MCC: variants seen among roughly 807,000 people sequenced by gnomAD.
MCC encodes MCC regulator of Wnt signaling pathway, also known as colorectal mutant cancer protein.
Under a neutral mutation model 116.2 loss-of-function variants are expected in MCC, and 90 were observed. That is an observed-to-expected ratio of 0.77 (90% confidence interval 0.65 to 0.92). MCC has a LOEUF of 0.92. Among genes scored for constraint, MCC ranks in the 40% least tolerant of loss-of-function variants. MCC has a pLI of 0.00. For synonymous variants in MCC, 578 were observed against 510.5 expected (o/e 1.13, Z -1.78); for missense variants, 1,516 against 1,312.2 (o/e 1.16, Z -2.40).
At position 113,294,495 on chromosome 5, in the gene MCC, A is replaced by G. The variant is rs1032674461; in HGVS notation, c.627+46024T>C. The G allele has an allele frequency of 4.8e-5, 76 of 1,572,844 alleles. No homozygotes were observed. In the Admixed American group the frequency reaches 1.4e-3, roughly 28 times the overall value. On this transcript the variant is annotated intron_variant, in intron 3 of 18. Transcript: ENST00000408903. ...GGTCCCTTCTGCCACATTTTAGTCT[A>G]GACAGCCATTTTCACCCAGGACAGT...
chr5:113,132,860 C>T (rs57683399), intron 5 of MCC, among the ~76,000 whole-genome samples: 24,880 of 152,074 alleles, frequency 0.16, 3,063 homozygotes, highest in African/African-American at 0.34. Flanking sequence ...CCCTTCTTTG[C>T]TTGTTGGCTC....
chr5:113,063,904 C>G (rs2150229587), intron 14 of MCC, 80 bp downstream of exon 14: 1 of 1,449,964 alleles, frequency 6.9e-7, no homozygotes, highest in Non-Finnish European at 9.3e-7. Context: ...TCCCCAAGAG[C>G]TGGGTCACTG....
chr5:113,180,145 T>A (rs1385451855), intron 3 of MCC, among the ~76,000 whole-genome samples: 1 of 152,218 alleles, frequency 6.6e-6, no homozygotes, highest in Non-Finnish European at 1.5e-5. Flanking sequence ...TACTTCTTTA[T>A]CAGCATCTGG....
At chr5:113,067,357 C>T (rs978451005) in intron 13 of MCC, among the ~76,000 whole-genome samples, 1 of 152,166 alleles carries the variant, frequency 6.6e-6, no homozygotes, top group Non-Finnish European at 1.5e-5. Context: ...TGTTTCAAAA[C>T]TACTCAAAAG....
chr5:113,433,104 G>A (rs1328611859), intron 1 of MCC: 1 of 155,852 alleles, frequency 6.4e-6, no homozygotes, highest in Non-Finnish European at 1.4e-5. Flanking sequence ...GCACTTTAAA[G>A]CTTAATGCTT....
At position 113,043,516 on chromosome 5, in the gene MCC, G is replaced by T; in HGVS notation, c.2756+14C>A. ...CAGGATAAACACCAGCTGGGGTGGG[G>T]AAAGGGTGCTTACCGACGAATGGCG... On this transcript the variant is annotated intron_variant, in intron 17 of 18. Coordinates refer to ENST00000408903, the MANE Select transcript of MCC (RefSeq NM_001085377.2). The T allele has an allele frequency of 6.2e-7, 1 of 1,610,880 alleles. No homozygotes were observed. Among genetic ancestry groups the T allele is most frequent in the African/African-American group, 1.3e-5 (1 of 75,028 alleles).
intron 1 of MCC, chr5:113,433,506 G>C (rs759259350): frequency 1.9e-5 from 12 of 622,476 alleles, no homozygotes; most frequent in Middle Eastern, 3.8e-4. Context: ...TCACGCTCTG[G>C]GGGAGTAGGA....
chr5:113,037,296 G>T (rs1399773569), intron 17 of MCC, among the ~76,000 whole-genome samples: 1 of 152,194 alleles, frequency 6.6e-6, no homozygotes, highest in Non-Finnish European at 1.5e-5. Flanking sequence ...CAGTTGGGTG[G>T]ATGGTGTATG....
intron 7 of MCC, among the ~76,000 whole-genome samples, chr5:113,102,521 C>T (rs1330414501): frequency 1.3e-5 from 2 of 152,078 alleles, no homozygotes; most frequent in Admixed American, 1.3e-4. Flanking sequence ...ACCTCATTGA[C>T]ACAGAAAAGA....
At chr5:113,139,425 C>T (rs1020169831) in intron 5 of MCC, among the ~76,000 whole-genome samples, 11 of 152,204 alleles carry the variant, frequency 7.2e-5, no homozygotes, top group African/African-American at 2.2e-4. Context: ...GTCATCGGTC[C>T]AACTGAGTTC....
chr5:113,025,881 GAC>G lies in MCC; in HGVS notation c.*1419_*1420del, dbSNP rs1262047407. The G allele has an allele frequency of 6.6e-6, 1 of 152,124 alleles. No homozygotes were observed. The highest frequency in any genetic ancestry group is 1.5e-5 in the Non-Finnish European group (1 of 68,028). 9.4% of individuals were successfully genotyped at this position (152,124 alleles called of 1,614,324 possible). ...AAAATAGACCTACCCGTAGCTTATG[GAC>G]ATAAAGACTCTATGCAGAAACCTCC... is the stretch of plus-strand genomic sequence containing the variant. On this transcript the variant is annotated 3_prime_UTR_variant, in exon 19 of 19. Transcript: ENST00000408903.
At chr5:113,425,493 A>G (rs932160554) in intron 1 of MCC, among the ~76,000 whole-genome samples, 26 of 152,190 alleles carry the variant, frequency 1.7e-4, no homozygotes, top group African/African-American at 6.0e-4. Context: ...AAACAATTCT[A>G]TTTCTCTCCT....
At chr5:113,158,400 T>C (rs1390718339) in intron 3 of MCC, among the ~76,000 whole-genome samples, 1 of 152,230 alleles carries the variant, frequency 6.6e-6, no homozygotes, top group Non-Finnish European at 1.5e-5. Context: ...TGAATACATA[T>C]TTTTGGCAGG....
At chr5:113,057,183 TG>T (rs759998866) in intron 14 of MCC, among the ~76,000 whole-genome samples, 5 of 151,890 alleles carry the variant, frequency 3.3e-5, no homozygotes, top group Non-Finnish European at 7.4e-5. Flanking sequence ...AGGGAGTGCG[TG>T]GGAGGGGCTG....
intron 3 of MCC, among the ~76,000 whole-genome samples, chr5:113,224,211 C>A (rs1763650991): frequency 6.6e-6 from 1 of 152,132 alleles, no homozygotes; most frequent in Non-Finnish European, 1.5e-5. Flanking sequence ...TCTCCTGCCT[C>A]AGCCTTCCGA....
In MCC at chr5:113,024,376, G is replaced by T. The variant is rs1007033548; in HGVS notation, c.*2926C>A. On this transcript the variant is annotated 3_prime_UTR_variant, in exon 19 of 19. Transcript: ENST00000408903. ...TTGTAGCTGGTAAGCTCACACTGAT[G>T]GCACTCGCAACTACGGACAGAAGTC... 6.6e-6 allele frequency: 1 copy of T among 152,194 alleles called. No individual in the cohort carries two copies. The highest frequency in any genetic ancestry group is 2.4e-5 in the African/African-American group (1 of 41,438). The allele number at this position is 152,194 out of a possible 1,614,324, so 9.4% of individuals were successfully genotyped here.
chr5:113,434,191 C>T lies in MCC; in HGVS notation c.171-48979G>A, dbSNP rs772467727. On this transcript the variant is annotated intron_variant, in intron 1 of 18. Transcript: ENST00000408903. The surrounding 1 kb of genome is among the most constrained non-coding windows in gnomAD (Gnocchi z 4.2). ...AGCATCTTCTTGATGTTGGAGTCGT[C>T]GTAGGGCATGGAGCCGCAGACCATG... is the stretch of plus-strand genomic sequence containing the variant. 4.3e-6 allele frequency: 7 copies of T among 1,613,982 alleles called. No homozygotes were observed. Among genetic ancestry groups the T allele is most frequent in the Admixed American group, 1.7e-5 (1 of 60,004 alleles).
chr5:113,210,233 G>A (rs1276168583), intron 3 of MCC, among the ~76,000 whole-genome samples: 1 of 151,962 alleles, frequency 6.6e-6, no homozygotes, highest in African/African-American at 2.4e-5. Flanking sequence ...ACTCTAACCA[G>A]GAATTACAGG....
chr5:113,183,479 T>A (rs1371467823), intron 3 of MCC, among the ~76,000 whole-genome samples: 2 of 152,076 alleles, frequency 1.3e-5, no homozygotes, highest in Admixed American at 6.5e-5. Context: ...TGGCCTCTAA[T>A]GGAAACATGG....
Sources: gnomAD v4.1 joint callset for allele counts (sites outside exome capture counted in the v4.1 genomes callset) on GRCh38, gnomAD v4.1.1 for gene constraint, Gnocchi (gnomAD v3.1) non-coding constraint, MANE v1.5 for transcripts, NCBI Gene and HGNC (gene_info 2026-07-23, HGNC 2026-07-21) for gene names.